PIAS1: variants seen among roughly 807,000 people sequenced by gnomAD.
PIAS1 encodes the protein E3 SUMO-protein ligase PIAS1.
In PIAS1, 6 loss-of-function variants were observed where a neutral mutation model predicts 71.3. That is an observed-to-expected ratio of 0.08 (90% CI 0.05 to 0.17). The LOEUF (loss-of-function observed/expected upper bound fraction) is 0.17. Ranked by LOEUF, PIAS1 falls within the 10% of genes least tolerant of loss-of-function variation. The pLI is 1.00. For synonymous variants in PIAS1, 303 were observed against 292.9 expected (o/e 1.03, Z -0.35); for missense variants, 555 against 793.6 (o/e 0.70, Z 3.61).
At chr15:68,077,430 T>C (rs545085695) in intron 1 of PIAS1, among the ~76,000 whole-genome samples, 4 of 152,314 alleles carry the variant, frequency 2.6e-5, no homozygotes, top group African/African-American at 9.6e-5. Flanking sequence ...TTTTAACACA[T>C]TTTAAGCATT....
At chr15:68,063,930 AAACTTT>A (rs2091988324) in intron 1 of PIAS1, among the ~76,000 whole-genome samples, 2 of 151,964 alleles carry the variant, frequency 1.3e-5, no homozygotes, top group Non-Finnish European at 2.9e-5. Context: ...AATGCCAGTT[AAACTTT>A]ATGTCCTTGA....
intron 7 of PIAS1, among the ~76,000 whole-genome samples, chr15:68,160,503 G>A (rs183414540): frequency 1.1e-4 from 16 of 152,142 alleles, no homozygotes; most frequent in East Asian, 1.9e-4. Context: ...CTTAATTACC[G>A]TAGCTTGATA....
intron 2 of PIAS1, among the ~76,000 whole-genome samples, chr15:68,128,043 G>A (rs2092663989): frequency 6.6e-6 from 1 of 152,204 alleles, no homozygotes; most frequent in Non-Finnish European, 1.5e-5. Context: ...AGGATTACAG[G>A]CGTGAGCTAC....
intron 1 of PIAS1, among the ~76,000 whole-genome samples, chr15:68,072,595 T>C (rs1057410699): frequency 9.9e-5 from 15 of 152,070 alleles, no homozygotes; most frequent in African/African-American, 3.4e-4. Context: ...TCTTCCCTAT[T>C]TCTGAACCAT....
In PIAS1 at chr15:68,147,217, C is replaced by T. The variant is rs148225879; in HGVS notation, c.828+517C>T. The stretch of plus-strand genomic sequence containing the variant: ...GATTACCTTCTCCAAAGGTGTTGTA[C>T]AAATTTATTCTCTGACTTTCAGTGT... On this transcript the variant is annotated intron_variant, in intron 6 of 13. Coordinates refer to ENST00000249636, the MANE Select transcript of PIAS1 (RefSeq NM_016166.3). Among the ~76,000 whole-genome samples, 465 of 152,280 alleles carry T rather than the reference C, an allele frequency of 3.1e-3. 2 individuals carry two copies. The highest frequency in any genetic ancestry group is 0.011 in the African/African-American group (442 of 41,558).
At chr15:68,165,526 A>G (rs1326052853) in intron 8 of PIAS1, among the ~76,000 whole-genome samples, 1 of 152,174 alleles carries the variant, frequency 6.6e-6, no homozygotes, top group African/African-American at 2.4e-5. Context: ...ATAACAATTC[A>G]CCAATTAAAA....
intron 6 of PIAS1, among the ~76,000 whole-genome samples, chr15:68,148,118 C>G (rs1255173560): frequency 6.6e-6 from 1 of 152,138 alleles, no homozygotes; most frequent in Non-Finnish European, 1.5e-5. Context: ...AAAAGAGAAG[C>G]ACATGGTGAT....
chr15:68,162,798 A>G (rs2141075355), intron 7 of PIAS1, among the ~76,000 whole-genome samples: 1 of 152,232 alleles, frequency 6.6e-6, no homozygotes, highest in East Asian at 1.9e-4. Flanking sequence ...CTGGTCTCAA[A>G]CTCCTGGCCT....
At chr15:68,061,865 T>C (rs934984964) in intron 1 of PIAS1, among the ~76,000 whole-genome samples, 4 of 152,194 alleles carry the variant, frequency 2.6e-5, no homozygotes, top group African/African-American at 9.7e-5. Context: ...TTCAGCTGTA[T>C]AGCAAAAGCC....
In PIAS1 at chr15:68,185,844, C is replaced by G. The variant is rs1187590536; in HGVS notation, c.1663-1698C>G. Among the ~76,000 whole-genome samples, 3 of 152,136 alleles carry G rather than the reference C, an allele frequency of 2.0e-5. No homozygotes were observed. Among genetic ancestry groups the G allele is most frequent in the African/African-American group, 7.2e-5 (3 of 41,408 alleles). ...GGGCGTGGTGCTACACGCCTGTAAT[C>G]CCAGCTACTCGGGAGGCTGAGGCAG... On this transcript the variant is annotated intron_variant, in intron 13 of 13. Transcript: ENST00000249636. The surrounding 1 kb of genome is among the most constrained non-coding windows in gnomAD (Gnocchi z 4.4).
intron 8 of PIAS1, among the ~76,000 whole-genome samples, chr15:68,172,305 G>A (rs534959768): frequency 3.3e-5 from 5 of 152,248 alleles, no homozygotes; most frequent in African/African-American, 1.2e-4. Flanking sequence ...TCTTAATTCA[G>A]TCTATCATTG....
At chr15:68,158,185 A>G (rs779877841) in intron 7 of PIAS1, among the ~76,000 whole-genome samples, 38 of 152,284 alleles carry the variant, frequency 2.5e-4, no homozygotes, top group Non-Finnish European at 4.4e-4. Context: ...GCACCTGCTT[A>G]TTACTTTCCA....
intron 2 of PIAS1, among the ~76,000 whole-genome samples, chr15:68,140,073 AC>A (rs764286685): frequency 6.6e-6 from 1 of 152,196 alleles, no homozygotes; most frequent in Non-Finnish European, 1.5e-5. Context: ...AACAGTAGCA[AC>A]CCCATGAGCA....
intron 2 of PIAS1, among the ~76,000 whole-genome samples, chr15:68,094,323 C>T (rs1477142427): frequency 2.0e-5 from 3 of 151,518 alleles, no homozygotes; most frequent in African/African-American, 7.3e-5. Flanking sequence ...GAGATATTTA[C>T]ACCTCTTTTA....
chr15:68,124,020 G>A lies in PIAS1; in HGVS notation c.470-17926G>A, dbSNP rs573213637. On this transcript the variant is annotated intron_variant, in intron 2 of 13. Coordinates refer to ENST00000249636, the MANE Select transcript of PIAS1 (RefSeq NM_016166.3). Reference sequence around the variant, plus strand: ...CACGTATACATATATGTACACATACGTGTGTACATATGTATACACATGCAC... The same window carrying A: ...CACGTATACATATATGTACACATACATGTGTACATATGTATACACATGCAC... Among the ~76,000 whole-genome samples, 7 of 152,026 alleles carry A rather than the reference G, an allele frequency of 4.6e-5. No homozygotes were observed. In the East Asian group the frequency reaches 7.7e-4, roughly 17 times the overall value.
chr15:68,144,027 G>A (rs2092790505), intron 4 of PIAS1, among the ~76,000 whole-genome samples: 1 of 151,318 alleles, frequency 6.6e-6, no homozygotes, highest in African/African-American at 2.4e-5. Flanking sequence ...ACATTTTGAA[G>A]TAAGGTTGTC....
intron 11 of PIAS1, among the ~76,000 whole-genome samples, chr15:68,179,352 A>ATCT (rs1419809895): frequency 6.6e-6 from 1 of 152,056 alleles, no homozygotes; most frequent in African/African-American, 2.4e-5. Context: ...CTCTCTTATA[A>ATCT]TCTCTTAGAC....
In PIAS1 at chr15:68,173,756, C is replaced by A; in HGVS notation, c.1033C>A (p.Pro345Thr). Residue 345 changes from proline to threonine, a missense_variant, in exon 9 of 14, where the codon CCG becomes ACG. Around this residue, in one of 5 missense-constraint regions of PIAS1, gnomAD observed 49 missense variants for 129.2 expected, o/e 0.38. Transcript: ENST00000249636. The surrounding 1 kb of genome is among the most constrained non-coding windows in gnomAD (Gnocchi z 4.3). ...GCTTGGTAAAATGCGGCTGACAATTCCGTGTCGGGCCCTTACATGTTCTCA... is the reference window on the plus strand; with the variant it reads ...GCTTGGTAAAATGCGGCTGACAATTACGTGTCGGGCCCTTACATGTTCTCA... ...CPLGKMRLTI[P>T]CRALTCSHLQ... 6.4e-7 allele frequency: 1 copy of A among 1,552,166 alleles called. No homozygotes were observed. The highest frequency in any genetic ancestry group is 1.2e-5 in the South Asian group (1 of 82,858).
In PIAS1 at chr15:68,173,597, C is replaced by T. The variant is rs1012378969; in HGVS notation, c.1009-135C>T. 1 of 477,858 alleles carries T rather than the reference C, an allele frequency of 2.1e-6. No individual in the cohort carries two copies. The highest frequency in any genetic ancestry group is 2.0e-5 in the African/African-American group (1 of 50,600). The allele number at this position is 477,858 out of a possible 1,614,324, so 29.6% of individuals were successfully genotyped here. A position where few individuals can be genotyped will look rare whatever the true frequency, so the allele number is the denominator to read the frequency against. The stretch of plus-strand genomic sequence containing the variant: ...TTTCACAGGAAATGTGTTTAATGTT[C>T]TTCTACATTGATGAAAAGTCAACAC... On this transcript the variant is annotated intron_variant, in intron 8 of 13. Transcript: ENST00000249636. This position sits in a 1 kb window ranked among gnomAD's most constrained non-coding sequence, Gnocchi z 4.3.
Sources: gnomAD v4.1 joint callset for allele counts (sites outside exome capture counted in the v4.1 genomes callset) on GRCh38, gnomAD v4.1.1 for gene constraint, gnomAD v4.1.1 regional missense constraint, Gnocchi (gnomAD v3.1) non-coding constraint, MANE v1.5 for transcripts, NCBI Gene and HGNC (gene_info 2026-07-23, HGNC 2026-07-21) for gene names.